The following TG variants were observed in gnomAD, a reference collection of about 807,000 sequenced individuals.
The protein encoded by TG is thyroid hormones.
A neutral mutation model predicts 324.7 loss-of-function variants in TG; 270 were observed. The ratio of observed to expected loss-of-function variants is 0.83; its 90% CI spans 0.75 to 0.92. The LOEUF is 0.92. TG is among the 40% of genes least tolerant of loss of function. The pLI is 0.00. For missense variants in TG, 3,591 were observed against 3,456.4 expected (o/e 1.04, Z -0.98); for synonymous variants, 1,401 against 1,327.0 (o/e 1.06, Z -1.21).
In TG at chr8:132,871,412, C is replaced by T; in HGVS notation, c.339C>T (p.Asp113=). 3 of 1,614,228 alleles carry T rather than the reference C, an allele frequency of 1.9e-6. No homozygotes were observed. Among genetic ancestry groups the T allele is most frequent in the Non-Finnish European group, 2.5e-6 (3 of 1,180,040 alleles). Residue 113 remains aspartate, a synonymous_variant, in exon 4 of 48, where the codon GAC becomes GAT. Coordinates refer to ENST00000220616, the MANE Select transcript of TG (RefSeq NM_003235.5). ...TGAGTGGCTACATTAACAGCACAGACACCTCCTACCTCCCTCAGTGTCAGG... is the reference window on the plus strand; with the variant it reads ...TGAGTGGCTACATTAACAGCACAGATACCTCCTACCTCCCTCAGTGTCAGG... The part of the protein sequence containing the change: ...ILLSGYINST[D]TSYLPQCQDS...
At chr8:132,952,609 AT>A (rs1339381236) in intron 27 of TG, among the ~76,000 whole-genome samples, 2 of 152,214 alleles carry the variant, frequency 1.3e-5, no homozygotes, top group African/African-American at 4.8e-5. Context: ...GTAATGGGGA[AT>A]TGGCATTTGT....
chr8:133,102,399 C>G (rs1849374600), intron 43 of TG: 1 of 630,664 alleles, frequency 1.6e-6, no homozygotes, highest in African/African-American at 1.8e-5. Flanking sequence ...GAGCTACTCA[C>G]CACCAGCAGA....
At chr8:132,874,232 GA>G (rs1839758996) in intron 5 of TG, among the ~76,000 whole-genome samples, 1 of 151,972 alleles carries the variant, frequency 6.6e-6, no homozygotes, top group Non-Finnish European at 1.5e-5. Flanking sequence ...TGCAGGAGAG[GA>G]AAAAAGGCAG....
At chr8:133,100,671 C>A (rs1849102065) in intron 43 of TG, among the ~76,000 whole-genome samples, 1 of 152,146 alleles carries the variant, frequency 6.6e-6, no homozygotes, top group African/African-American at 2.4e-5. Context: ...CCCATGACGT[C>A]ACTCTGGGAA....
chr8:132,918,887 G>A lies in TG; in HGVS notation c.4379-489G>A, dbSNP rs150817163. Among the ~76,000 whole-genome samples, 400 of 152,294 alleles carry A rather than the reference G, an allele frequency of 2.6e-3. 4 individuals are homozygous for A. The highest frequency in any genetic ancestry group is 2.5e-3 in the Admixed American group (39 of 15,298). ...AAGAAGTCATGCATGGACGTCTGAG[G>A]CTCAGCTTTCTCAACTGTGAAATGG... On this transcript the variant is annotated intron_variant, in intron 20 of 47. Transcript: ENST00000220616.
chr8:133,013,635 C>A lies in TG; in HGVS notation c.6433C>A (p.Leu2145Met). Residue 2145 changes from leucine to methionine, a missense_variant, in exon 37 of 48, where the codon CTG (leucine) becomes ATG (methionine). By Grantham distance (15) the Leu-to-Met change is conservative. Transcript: ENST00000220616. ...SQHEACLITT[L>M]QTQPGAVRCM... ...ACATGAGGCCTGTCTCATCACCACT[C>A]TGCAAACCCAACCTGGGGCTGTGAG... 2 of 1,614,252 alleles carry A rather than the reference C, an allele frequency of 1.2e-6. No homozygotes were observed. Among genetic ancestry groups the A allele is most frequent in the South Asian group, 2.2e-5 (2 of 91,088 alleles).
intron 41 of TG, chr8:133,047,839 TCTCA>T: frequency 6.3e-7 from 1 of 1,584,938 alleles, no homozygotes; most frequent in Non-Finnish European, 8.7e-7. Context: ...CCTTTCTTGG[TCTCA>T]CTCTCTCTGA....
At chr8:132,912,970 T>A in intron 19 of TG, 77 bp from the exon 20 acceptor site, 2 of 1,387,946 alleles carry the variant, frequency 1.4e-6, no homozygotes, top group Non-Finnish European at 2.0e-6. Flanking sequence ...ATTCTAGGCA[T>A]CTCTGCCCTG....
intron 41 of TG, chr8:133,049,663 T>G (rs1307067853): frequency 3.9e-6 from 2 of 512,634 alleles, no homozygotes; most frequent in Non-Finnish European, 7.1e-6. Context: ...AGCACCATGT[T>G]AGAGCTGAAA....
chr8:133,018,602 A>G (rs530880510), intron 38 of TG, among the ~76,000 whole-genome samples: 56 of 151,286 alleles, frequency 3.7e-4, no homozygotes, highest in African/African-American at 1.3e-3. Context: ...CCTCTTTTCC[A>G]TGTGTATACC....
At chr8:132,971,554 T>A (rs1456410675) in intron 32 of TG, among the ~76,000 whole-genome samples, 1 of 152,186 alleles carries the variant, frequency 6.6e-6, no homozygotes. Flanking sequence ...GATGAATGAA[T>A]GGGTGAATAA....
chr8:133,040,881 C>G lies in TG; in HGVS notation c.7239+10858C>G, dbSNP rs116230360. 7.4e-3 allele frequency among the ~76,000 whole-genome samples: 1,131 copies of G among 152,302 alleles called. 13 individuals carry two copies. The highest frequency in any genetic ancestry group is 0.026 in the African/African-American group (1,091 of 41,550). On this transcript the variant is annotated intron_variant, in intron 41 of 47. Coordinates refer to ENST00000220616, the MANE Select transcript of TG (RefSeq NM_003235.5). ...ATCTCTCTTTCACTCTAGAAGCTCA[C>G]GCACAAAAAGAATAAAAGTTAAATA... is the stretch of plus-strand genomic sequence containing the variant.
Position 132,961,825 on chromosome 8 carries a change from T to C in TG, c.5467+752T>C, listed in dbSNP as rs149577376. Among the ~76,000 whole-genome samples the C allele has an allele frequency of 3.9e-5, 6 of 152,240 alleles. No homozygotes were observed. The East Asian group carries it at 9.7e-4, about 25-fold the overall frequency. Reference sequence around the variant, plus strand: ...TGTTCCCCTAATCTGTCCTCGCTGATCTTCAGTGTCCCAAGAGAGGATTGG... The same window carrying C: ...TGTTCCCCTAATCTGTCCTCGCTGACCTTCAGTGTCCCAAGAGAGGATTGG... On this transcript the variant is annotated intron_variant, in intron 28 of 47. Coordinates refer to ENST00000220616, the MANE Select transcript of TG (RefSeq NM_003235.5).
At chr8:133,050,984 T>A in intron 41 of TG, 2 of 867,330 alleles carry the variant, frequency 2.3e-6, no homozygotes, top group South Asian at 2.7e-5. Context: ...AAAGGTAGGC[T>A]TGGGAGGGAG....
intron 34 of TG, among the ~76,000 whole-genome samples, chr8:132,977,283 A>G (rs2130617035): frequency 6.6e-6 from 1 of 152,234 alleles, no homozygotes; most frequent in African/African-American, 2.4e-5. Flanking sequence ...TGCAGGATGG[A>G]TAGGATCCTC....
intron 41 of TG, among the ~76,000 whole-genome samples, chr8:133,053,244 C>T (rs1264929306): frequency 3.9e-5 from 6 of 152,182 alleles, no homozygotes; most frequent in Non-Finnish European, 8.8e-5. Flanking sequence ...GAAGCGGTTA[C>T]CCCAGGTTGC....
Position 132,871,364 on chromosome 8 carries a change from G to T in TG, c.291G>T (p.Gln97His). 1 of 1,614,224 alleles carries T rather than the reference G, an allele frequency of 6.2e-7. No individual in the cohort carries two copies. The highest frequency in any genetic ancestry group is 1.1e-5 in the South Asian group (1 of 91,086). ...TACCCACAGGTCTGTCATTTTGTCA[G>T]CTACAGAAACAGCAGATCTTACTGA... ...GRPVACLSFC[Q>H]LQKQQILLSG... is the part of the protein sequence containing the mutation. Residue 97 changes from glutamine (Q) to histidine (H), a missense_variant, in exon 4 of 48, where the codon CAG (glutamine) becomes CAT (histidine). Physicochemically the swap from Gln to His is conservative, Grantham distance 24. Transcript: ENST00000220616.
In TG at chr8:133,070,029, A is replaced by AAAAAAAAAAAAC. The variant is rs376711807; in HGVS notation, c.7240-25014_7240-25013insAAAAAAAAAACA. Among the ~76,000 whole-genome samples the AAAAAAAAAAAAC allele has an allele frequency of 8.5e-4, 93 of 109,792 alleles. 20 individuals carry two copies. Among genetic ancestry groups the AAAAAAAAAAAAC allele is most frequent in the Middle Eastern group, 5.7e-3 (1 of 174 alleles). 72.0% of individuals were successfully genotyped at this position (109,792 alleles called of 152,430 possible). ...AAAAAAAAAAAAAAAAAAAAAAAGA[A>AAAAAAAAAAAAC]AGAAAGAAAGAAAAGAAAAGAAGAA... On this transcript the variant is annotated intron_variant, in intron 41 of 47. Coordinates refer to ENST00000220616, the MANE Select transcript of TG (RefSeq NM_003235.5).
chr8:133,106,123 A>T (rs1849780134), intron 43 of TG, among the ~76,000 whole-genome samples: 1 of 152,102 alleles, frequency 6.6e-6, no homozygotes, highest in South Asian at 2.1e-4. Flanking sequence ...GGTCTGAAAG[A>T]GCCAGTGGGG....
Sources: gnomAD v4.1 joint callset for allele counts (sites outside exome capture counted in the v4.1 genomes callset) on GRCh38, gnomAD v4.1.1 for gene constraint, MANE v1.5 for transcripts, NCBI Gene and HGNC (gene_info 2026-07-23, HGNC 2026-07-21) for gene names.